ZDHHC3: variants seen among roughly 807,000 people sequenced by gnomAD.
ZDHHC3 encodes the protein palmitoyltransferase ZDHHC3.
A neutral mutation model predicts 30.6 loss-of-function variants in ZDHHC3; 9 were observed. The ratio of observed to expected loss-of-function variants is 0.29; its 90% CI spans 0.18 to 0.51. The LOEUF is 0.51. Ranked by LOEUF, ZDHHC3 falls within the 20% of genes least tolerant of loss-of-function variation. The pLI, the probability that ZDHHC3 is intolerant of heterozygous loss-of-function variation, is 0.97. For missense variants in ZDHHC3, 246 were observed against 384.2 expected (o/e 0.64, Z 3.01); for synonymous variants, 136 against 140.2 (o/e 0.97, Z 0.21).
chr3:44,921,547 G>A lies in ZDHHC3; in HGVS notation c.*5142C>T. 1.0e-6 allele frequency: 1 copy of A among 985,358 alleles called. No individual in the cohort carries two copies. Among genetic ancestry groups the A allele is most frequent in the Non-Finnish European group, 1.2e-6 (1 of 829,930 alleles). 61.0% of individuals were successfully genotyped at this position (985,358 alleles called of 1,614,324 possible). A position where few individuals can be genotyped will look rare whatever the true frequency, so the allele number is the denominator to read the frequency against. On this transcript the variant is annotated 3_prime_UTR_variant, in exon 7 of 7. Transcript: ENST00000424952. ...AACATTTTTCTTGAAAAACATGCTGGTTGCAAACCATGAATGGCTGTGACC... is the reference window on the plus strand; with the variant it reads ...AACATTTTTCTTGAAAAACATGCTGATTGCAAACCATGAATGGCTGTGACC...
At chr3:44,958,671 T>C in intron 2 of ZDHHC3, 2 of 1,536,162 alleles carry the variant, frequency 1.3e-6, no homozygotes, top group Non-Finnish European at 1.7e-6. Context: ...GTGAAGGCCA[T>C]TTCCGTGCAG....
chr3:44,962,541 A>G (rs1378196695), intron 1 of ZDHHC3, among the ~76,000 whole-genome samples: 9 of 142,552 alleles, frequency 6.3e-5, no homozygotes, highest in Non-Finnish European at 1.1e-4. Context: ...GGAAGGAAGG[A>G]AGGGGAGGGG....
chr3:44,946,205 C>T (rs1278449010), intron 2 of ZDHHC3, among the ~76,000 whole-genome samples: 1 of 152,254 alleles, frequency 6.6e-6, no homozygotes, highest in East Asian at 1.9e-4. Context: ...CTGGGAGCTG[C>T]TGCCCTCAGG....
At chr3:44,940,519 C>T (rs910763005) in intron 3 of ZDHHC3, among the ~76,000 whole-genome samples, 6 of 152,212 alleles carry the variant, frequency 3.9e-5, no homozygotes, top group Admixed American at 2.6e-4. Context: ...GTGGATGAGA[C>T]GCTGTAAGCT....
rs9863165 is a variant in ZDHHC3 at position 44,920,521 on chromosome 3, T to C, written c.*6168A>G. ...AGGAGGTGGGTATGAGTATTGATGATTGGCAGATGGGGAAGAAACAGAAGT... is the reference window on the plus strand; with the variant it reads ...AGGAGGTGGGTATGAGTATTGATGACTGGCAGATGGGGAAGAAACAGAAGT... On this transcript the variant is annotated 3_prime_UTR_variant, in exon 7 of 7. Transcript: ENST00000424952. 3,372 of 985,350 alleles carry C rather than the reference T, an allele frequency of 3.4e-3. 65 individuals carry two copies. The African/African-American group carries it at 0.047, about 14-fold the overall frequency. 61.0% of individuals were successfully genotyped at this position (985,350 alleles called of 1,614,324 possible).
intron 6 of ZDHHC3, among the ~76,000 whole-genome samples, chr3:44,927,151 C>T (rs1410411110): frequency 2.0e-5 from 3 of 152,148 alleles, no homozygotes; most frequent in African/African-American, 7.2e-5. Flanking sequence ...CGCGTCTCTC[C>T]AGCCCTGGCC....
chr3:44,963,365 T>A (rs112968921), intron 1 of ZDHHC3, among the ~76,000 whole-genome samples: 1 of 151,808 alleles, frequency 6.6e-6, no homozygotes, highest in Admixed American at 6.6e-5. Context: ...TTTCAAAATA[T>A]CCCCATCAAA....
At position 44,925,849 on chromosome 3, in the gene ZDHHC3, G is replaced by C. The variant is rs971614728; in HGVS notation, c.*840C>G. ...GCTTAATTGACATCTTGCTGGGGAA[G>C]AGAGGGAGATGGGGTGGTGAGAGAG... On this transcript the variant is annotated 3_prime_UTR_variant, in exon 7 of 7. Coordinates refer to ENST00000424952, the MANE Select transcript of ZDHHC3 (RefSeq NM_001135179.2). The C allele has an allele frequency of 1.3e-5, 13 of 985,906 alleles. No homozygotes were observed. In the Admixed American group the frequency reaches 3.7e-4, roughly 28 times the overall value. 61.1% of individuals were successfully genotyped at this position (985,906 alleles called of 1,614,324 possible). A position where few individuals can be genotyped will look rare whatever the true frequency, so the allele number is the denominator to read the frequency against.
rs1003104470 is a variant in ZDHHC3, at chr3:44,920,615, G to T, written c.*6074C>A. On this transcript the variant is annotated 3_prime_UTR_variant, in exon 7 of 7. Coordinates refer to ENST00000424952, the MANE Select transcript of ZDHHC3 (RefSeq NM_001135179.2). ...TGTATCAGAACTGGAACCAGAACTA[G>T]TGTCTTTTTTTCTGCCCAACAGGTT... is the stretch of plus-strand genomic sequence containing the variant. 1.1e-5 allele frequency: 11 copies of T among 985,296 alleles called. No homozygotes were observed. In the African/African-American group the frequency reaches 1.7e-4, roughly 16 times the overall value. 61.0% of individuals were successfully genotyped at this position (985,296 alleles called of 1,614,324 possible).
Position 44,917,694 on chromosome 3 carries a change from A to G in ZDHHC3, c.*8995T>C. On this transcript the variant is annotated 3_prime_UTR_variant, in exon 7 of 7. Transcript: ENST00000424952. The stretch of plus-strand genomic sequence containing the variant: ...CTGAGAAAGCCCCCATCCTCCTCTG[A>G]TGTCCCCAGCCTACTCCCGACCCCC... 2.3e-6 allele frequency: 1 copy of G among 444,312 alleles called. No individual in the cohort carries two copies. The highest frequency in any genetic ancestry group is 2.0e-5 in the South Asian group (1 of 49,272). 27.5% of individuals were successfully genotyped at this position (444,312 alleles called of 1,614,324 possible). A position where few individuals can be genotyped will look rare whatever the true frequency, so the allele number is the denominator to read the frequency against.
At chr3:44,932,730 G>T (rs1375688048) in intron 5 of ZDHHC3, among the ~76,000 whole-genome samples, 1 of 152,170 alleles carries the variant, frequency 6.6e-6, no homozygotes, top group Admixed American at 6.5e-5. Flanking sequence ...ATGAATCTCT[G>T]CAAGACTGGA....
Position 44,926,724 on chromosome 3 carries a change from G to C in ZDHHC3, c.865C>G (p.Gln289Glu). The change falls in exon 7 of 7, where the codon CAA becomes GAA. Residue 289 changes from glutamine to glutamate, a missense_variant. Transcript: ENST00000424952. ...GWASPFATPD[Q>E]GKADPYQYVV ...TACTGGTACGGGTCTGCCTTCCCTT[G>C]GTCTGGCGTGGCAAAGGGGCTGGCC... 3 of 1,613,010 alleles carry C rather than the reference G, an allele frequency of 1.9e-6. No homozygotes were observed. Among genetic ancestry groups the C allele is most frequent in the East Asian group, 2.2e-5 (1 of 44,858 alleles).
Position 44,925,564 on chromosome 3 carries a change from T to TG in ZDHHC3, c.*1124dup. ...CCAGTGCCACAGGCTTAGGTGTGTC[T>TG]GTGGATTCTGGCCAATGGGATGGCC... On this transcript the variant is annotated 3_prime_UTR_variant, in exon 7 of 7. Transcript: ENST00000424952. The TG allele has an allele frequency of 1.0e-6, 1 of 985,506 alleles. No homozygotes were observed. Among genetic ancestry groups the TG allele is most frequent in the Non-Finnish European group, 1.2e-6 (1 of 829,950 alleles). The allele number at this position is 985,506 out of a possible 1,614,324, so 61.0% of individuals were successfully genotyped here.
In ZDHHC3 at chr3:44,959,372, T is replaced by C; in HGVS notation, c.65A>G (p.Glu22Gly). ...IERKPEYLQP[E>G]KCVPPPYPGP... ...AGGGTAGGGGGGTGGGACACACTTC[T>C]CTGGCTGGAGGTATTCTGGTTTCCG... is the stretch of plus-strand genomic sequence containing the variant. The change falls in exon 2 of 7, where the codon GAG becomes GGG. Residue 22 changes from glutamate to glycine, a missense_variant. Transcript: ENST00000424952. This position sits in a 1 kb window ranked among gnomAD's most constrained non-coding sequence, Gnocchi z 4.3. The C allele has an allele frequency of 6.2e-7, 1 of 1,614,226 alleles. No homozygotes were observed. Among genetic ancestry groups the C allele is most frequent in the Non-Finnish European group, 8.5e-7 (1 of 1,180,026 alleles).
chr3:44,924,076 A>G lies in ZDHHC3; in HGVS notation c.*2613T>C. 1 of 985,440 alleles carries G rather than the reference A, an allele frequency of 1.0e-6. No homozygotes were observed. The highest frequency in any genetic ancestry group is 1.7e-5 in the African/African-American group (1 of 57,360). 61.0% of individuals were successfully genotyped at this position (985,440 alleles called of 1,614,324 possible). On this transcript the variant is annotated 3_prime_UTR_variant, in exon 7 of 7. Transcript: ENST00000424952. ...TTTATTTTTCACTTCCACTCCCCAG[A>G]GCCCAGGCTCTGAAAGACTGTGGCT...
chr3:44,922,961 T>A lies in ZDHHC3; in HGVS notation c.*3728A>T. 1 of 985,384 alleles carries A rather than the reference T, an allele frequency of 1.0e-6. No individual in the cohort carries two copies. The highest frequency in any genetic ancestry group is 1.2e-6 in the Non-Finnish European group (1 of 829,918). The allele number at this position is 985,384 out of a possible 1,614,324, so 61.0% of individuals were successfully genotyped here. ...TGGCTCACCCTTTAAGCTGATGCACTGCAAGTCTTGAAAAGAGAGAAATTT... is the reference window on the plus strand; with the variant it reads ...TGGCTCACCCTTTAAGCTGATGCACAGCAAGTCTTGAAAAGAGAGAAATTT... On this transcript the variant is annotated 3_prime_UTR_variant, in exon 7 of 7. Coordinates refer to ENST00000424952, the MANE Select transcript of ZDHHC3 (RefSeq NM_001135179.2).
intron 5 of ZDHHC3, among the ~76,000 whole-genome samples, chr3:44,931,053 C>T (rs188076758): frequency 3.3e-4 from 50 of 152,330 alleles, no homozygotes; most frequent in Admixed American, 2.0e-3. Flanking sequence ...AGGTGCCTCT[C>T]CCACTACACT....
intron 2 of ZDHHC3, among the ~76,000 whole-genome samples, chr3:44,947,124 G>A (rs1703012070): frequency 6.6e-6 from 1 of 152,186 alleles, no homozygotes; most frequent in African/African-American, 2.4e-5. Flanking sequence ...ATTGGGTGGT[G>A]GAGAGGGTAA....
chr3:44,936,962 C>T (rs1173416294), intron 3 of ZDHHC3, among the ~76,000 whole-genome samples: 2 of 151,964 alleles, frequency 1.3e-5, no homozygotes, highest in Non-Finnish European at 2.9e-5. Context: ...TAAACTCTCT[C>T]AATTTTGCCT....
Sources: gnomAD v4.1 joint callset for allele counts (sites outside exome capture counted in the v4.1 genomes callset) on GRCh38, gnomAD v4.1.1 for gene constraint, Gnocchi (gnomAD v3.1) non-coding constraint, MANE v1.5 for transcripts, NCBI Gene and HGNC (gene_info 2026-07-23, HGNC 2026-07-21) for gene names.